Variants in MALRD1 observed in about 807,000 individuals in gnomAD.
MALRD1 encodes MAM and LDL-receptor class A domain-containing protein 1.
Under a neutral mutation model 242.1 loss-of-function variants are expected in MALRD1, and 247 were observed. The observed-to-expected ratio is 1.02, with a 90% CI of 0.92 to 1.13. MALRD1 has a LOEUF of 1.13. Among genes scored for constraint, MALRD1 ranks in the 50% most tolerant of loss-of-function variants. The pLI is 0.00. For missense variants in MALRD1, 2,989 were observed against 2,533.1 expected, an observed-to-expected ratio of 1.18 and a Z score of -3.86; for synonymous variants, 995 against 866.6, an observed-to-expected ratio of 1.15 and a Z score of -2.60.
intron 26 of MALRD1, among the ~76,000 whole-genome samples, chr10:19,370,718 C>T (rs1845335205): frequency 6.6e-6 from 1 of 151,944 alleles, no homozygotes. Context: ...CCTGAAACTA[C>T]AGGGACACAC....
intron 18 of MALRD1, among the ~76,000 whole-genome samples, chr10:19,210,584 T>G (rs1837006439): frequency 6.6e-6 from 1 of 152,222 alleles, no homozygotes; most frequent in Non-Finnish European, 1.5e-5. Flanking sequence ...GCTAAACTTT[T>G]TTTGCATGTA....
At chr10:19,531,430 G>C in intron 32 of MALRD1, 79 bp downstream of exon 32, 1 of 1,362,290 alleles carries the variant, frequency 7.3e-7, no homozygotes, top group Non-Finnish European at 9.8e-7. Flanking sequence ...TGTCTTATTT[G>C]TATTTTTGTT....
chr10:19,304,934 A>G (rs766648879), intron 21 of MALRD1, among the ~76,000 whole-genome samples: 7 of 151,718 alleles, frequency 4.6e-5, no homozygotes, highest in Non-Finnish European at 1.0e-4. Flanking sequence ...TTAATAGTAC[A>G]GTAGATGTTC....
intron 5 of MALRD1, among the ~76,000 whole-genome samples, chr10:19,116,722 A>G (rs755789691): frequency 6.6e-6 from 1 of 152,184 alleles, no homozygotes. Flanking sequence ...TCCACTAATC[A>G]TGTATCACTG....
At chr10:19,223,154 G>A (rs557908743) in intron 18 of MALRD1, among the ~76,000 whole-genome samples, 1 of 152,030 alleles carries the variant, frequency 6.6e-6, no homozygotes, top group African/African-American at 2.4e-5. Context: ...ACATTAAAAC[G>A]ATATTTCTAT....
chr10:19,709,550 T>C (rs577295491), intron 38 of MALRD1, among the ~76,000 whole-genome samples: 12 of 152,304 alleles, frequency 7.9e-5, no homozygotes, highest in African/African-American at 2.6e-4. Flanking sequence ...AATAATAAAT[T>C]ATTTTAAGAT....
chr10:19,454,547 A>T (rs1835531426), intron 29 of MALRD1, among the ~76,000 whole-genome samples: 1 of 150,530 alleles, frequency 6.6e-6, no homozygotes, highest in African/African-American at 2.4e-5. Flanking sequence ...TTGAAAATGC[A>T]TTCCATACCC....
In MALRD1 at chr10:19,446,150, C is replaced by T. The variant is rs186101689; in HGVS notation, c.4846-4157C>T. Among the ~76,000 whole-genome samples, 600 of 152,142 alleles carry T rather than the reference C, an allele frequency of 3.9e-3. 5 individuals carry two copies. Among genetic ancestry groups the T allele is most frequent in the African/African-American group, 0.014 (569 of 41,512 alleles). ...GACCATTGGAAAAGTGCAGTATTAG[C>T]ATGGGAGTGTCCTGATTTTCCATGT... On this transcript the variant is annotated intron_variant, in intron 28 of 39. Transcript: ENST00000454679.
chr10:19,146,204 A>T lies in MALRD1; in HGVS notation c.1418A>T (p.His473Leu), dbSNP rs1010106712. The change falls in exon 11 of 40, where the codon CAT (histidine) becomes CTT (leucine). Residue 473 changes from histidine (H) to leucine (L), a missense_variant. By Grantham distance (99) the His-to-Leu change is moderately conservative. Coordinates refer to ENST00000454679, the MANE Select transcript of MALRD1 (RefSeq NM_001142308.3). ...TCTCTTCTACGTGTAACAGCAAAGC[A>T]TCTCACCTGTGACTTTGAGTCGGGT... ...SDEDPATCSKHLTCDFESGFC... is the reference protein window; with the variant it reads ...SDEDPATCSKLLTCDFESGFC... The T allele has an allele frequency of 2.0e-5, 25 of 1,231,518 alleles. No individual in the cohort carries two copies. 76.3% of individuals were successfully genotyped at this position (1,231,518 alleles called of 1,614,324 possible).
intron 31 of MALRD1, among the ~76,000 whole-genome samples, chr10:19,529,515 T>G (rs1278647776): frequency 1.4e-5 from 1 of 70,542 alleles, no homozygotes; most frequent in East Asian, 5.1e-4. Flanking sequence ...AAAGTTCAAT[T>G]AAAAAACCAG....
chr10:19,250,263 T>C (rs1320751378), intron 18 of MALRD1, among the ~76,000 whole-genome samples: 1 of 151,994 alleles, frequency 6.6e-6, no homozygotes, highest in African/African-American at 2.4e-5. Context: ...TACTGAAAAT[T>C]TTAATCAATA....
chr10:19,267,224 A>G (rs1204079442), intron 19 of MALRD1, among the ~76,000 whole-genome samples: 1 of 151,892 alleles, frequency 6.6e-6, no homozygotes, highest in Non-Finnish European at 1.5e-5. Flanking sequence ...TTGTTACTAA[A>G]ATTATTAGTT....
intron 1 of MALRD1, among the ~76,000 whole-genome samples, chr10:19,052,905 T>C (rs1834552077): frequency 6.6e-6 from 1 of 152,134 alleles, no homozygotes; most frequent in Non-Finnish European, 1.5e-5. Context: ...TTTTCTTCCC[T>C]CCTCAAGTTC....
chr10:19,536,721 G>A (rs1834694585), intron 32 of MALRD1, among the ~76,000 whole-genome samples: 1 of 152,000 alleles, frequency 6.6e-6, no homozygotes, highest in Non-Finnish European at 1.5e-5. Flanking sequence ...GCTTCAATTT[G>A]TCCTGAACAT....
intron 2 of MALRD1, among the ~76,000 whole-genome samples, chr10:19,085,101 T>C (rs368279124): frequency 1.3e-3 from 191 of 152,106 alleles, no homozygotes; most frequent in African/African-American, 4.4e-3. Context: ...AAGAGGTTTA[T>C]AGAGAGAATA....
chr10:19,159,637 TA>T (rs559101888), intron 12 of MALRD1, among the ~76,000 whole-genome samples: 27 of 146,706 alleles, frequency 1.8e-4, no homozygotes, highest in East Asian at 7.9e-4. Context: ...TGATCAAAAT[TA>T]AAAAAAAAAG....
chr10:19,670,339 T>G (rs1841862045), intron 36 of MALRD1, among the ~76,000 whole-genome samples: 1 of 152,190 alleles, frequency 6.6e-6, no homozygotes, highest in Non-Finnish European at 1.5e-5. Flanking sequence ...CAGCCAGCCT[T>G]CACCTGTTGT....
chr10:19,306,273 T>C (rs1842192546), intron 21 of MALRD1, among the ~76,000 whole-genome samples: 2 of 137,782 alleles, frequency 1.5e-5, no homozygotes, highest in African/African-American at 5.3e-5. Flanking sequence ...ATATATACTA[T>C]ATATACCGTA....
At chr10:19,324,609 T>A (rs528758154) in intron 22 of MALRD1, among the ~76,000 whole-genome samples, 1,642 of 149,478 alleles carry the variant, frequency 0.011, 19 homozygotes, top group South Asian at 0.023. Flanking sequence ...ATTTTTTTTT[T>A]AAAAAAAAAC....
Sources: allele counts gnomAD v4.1 joint callset (sites outside exome capture counted in the v4.1 genomes callset), GRCh38; gene constraint gnomAD v4.1.1; transcripts MANE v1.5; gene names NCBI Gene and HGNC (gene_info 2026-07-23, HGNC 2026-07-21).